GRID2: variants seen among roughly 807,000 people sequenced by gnomAD.
GRID2 encodes the protein glutamate ionotropic receptor delta type subunit 2, also known as glutamate receptor ionotropic, delta-2.
A neutral mutation model predicts 114.8 loss-of-function variants in GRID2; 33 were observed. The observed-to-expected ratio is 0.29, with a 90% confidence interval of 0.22 to 0.38. The LOEUF (loss-of-function observed/expected upper bound fraction) is 0.38, where lower values mean the gene tolerates loss of function less well. GRID2 is among the 10% of genes least tolerant of loss of function. GRID2 has a pLI of 1.00. For missense variants in GRID2, 1,184 were observed against 1,257.7 expected (o/e 0.94, Z 0.89); for synonymous variants, 505 against 449.9 (o/e 1.12, Z -1.55).
At chr4:92,712,915 G>C (rs1735324858) in intron 2 of GRID2, among the ~76,000 whole-genome samples, 1 of 152,004 alleles carries the variant, frequency 6.6e-6, no homozygotes, top group Admixed American at 6.5e-5. Context: ...CTCAGGGATA[G>C]AGGAATGTTG....
intron 2 of GRID2, among the ~76,000 whole-genome samples, chr4:93,060,251 G>A (rs1275880788): frequency 6.6e-6 from 1 of 152,096 alleles, no homozygotes; most frequent in Non-Finnish European, 1.5e-5. Context: ...AATGTAGATT[G>A]TCATAGCTAT....
intron 2 of GRID2, among the ~76,000 whole-genome samples, chr4:92,794,874 TTATATATATATATATATATA>T (rs34559735): frequency 9.4e-6 from 1 of 106,052 alleles, no homozygotes; most frequent in African/African-American, 4.2e-5. Context: ...AATAATTGTT[TTATATATATATATATATATA>T]TATATATATA....
At position 93,267,178 on chromosome 4, in the gene GRID2, T is replaced by A. The variant is rs1437174393; in HGVS notation, c.1245+28688T>A. On this transcript the variant is annotated intron_variant, in intron 8 of 15. Coordinates refer to ENST00000282020, the MANE Select transcript of GRID2 (RefSeq NM_001510.4). Reference sequence around the variant, plus strand: ...AGTACACACATTTCTTTTTTTTTTTTAATTTTATTATTTTTTTTATTATTA... The same window carrying A: ...AGTACACACATTTCTTTTTTTTTTTAAATTTTATTATTTTTTTTATTATTA... 8.3e-5 allele frequency among the ~76,000 whole-genome samples: 7 copies of A among 84,334 alleles called. No individual in the cohort carries two copies. The South Asian group carries it at 1.1e-3, about 13-fold the overall frequency. The allele number at this position is 84,334 out of a possible 152,430, so 55.3% of individuals were successfully genotyped here.
intron 1 of GRID2, among the ~76,000 whole-genome samples, chr4:92,503,145 T>C (rs1469852786): frequency 1.3e-5 from 2 of 152,294 alleles, no homozygotes; most frequent in South Asian, 4.1e-4. Context: ...GTACTAATTA[T>C]GTACATGCTA....
chr4:92,895,167 A>G (rs1285014342), intron 2 of GRID2, among the ~76,000 whole-genome samples: 5 of 151,836 alleles, frequency 3.3e-5, no homozygotes, highest in Non-Finnish European at 2.9e-5. Context: ...AGCTGGGACT[A>G]TCTTAACATT....
intron 2 of GRID2, among the ~76,000 whole-genome samples, chr4:92,672,691 CATTT>C (rs1579813057): frequency 6.6e-6 from 1 of 151,942 alleles, no homozygotes; most frequent in South Asian, 2.1e-4. Context: ...ATTTTTTCTT[CATTT>C]ATTTATTCAT....
At chr4:93,429,136 A>G (rs1358084828) in intron 10 of GRID2, among the ~76,000 whole-genome samples, 1 of 152,306 alleles carries the variant, frequency 6.6e-6, no homozygotes, top group East Asian at 1.9e-4. Context: ...ATAACCATTT[A>G]AAGCAGACGG....
At chr4:93,630,469 G>A (rs1743143781) in intron 14 of GRID2, among the ~76,000 whole-genome samples, 1 of 152,148 alleles carries the variant, frequency 6.6e-6, no homozygotes, top group African/African-American at 2.4e-5. Flanking sequence ...TAACCAAAAA[G>A]TATGAGCTCA....
chr4:92,569,381 G>A (rs1352172119), intron 1 of GRID2, among the ~76,000 whole-genome samples: 2 of 151,894 alleles, frequency 1.3e-5, no homozygotes, highest in East Asian at 3.9e-4. Flanking sequence ...ATTGATGAAT[G>A]TTTAGGTTGA....
chr4:93,799,741 G>A (rs1388513094), intron 1 of GRID2, among the ~76,000 whole-genome samples: 5 of 152,016 alleles, frequency 3.3e-5, no homozygotes, highest in Non-Finnish European at 7.4e-5. Flanking sequence ...GTTTCTTTAT[G>A]TAATTAAAAG....
intron 2 of GRID2, among the ~76,000 whole-genome samples, chr4:92,695,501 T>C (rs1734386351): frequency 6.6e-6 from 1 of 152,118 alleles, no homozygotes; most frequent in South Asian, 2.1e-4. Flanking sequence ...CTTGCAAATT[T>C]ACCAGAACAA....
intron 11 of GRID2, among the ~76,000 whole-genome samples, chr4:93,464,132 A>G (rs1157368472): frequency 6.6e-6 from 1 of 152,216 alleles, no homozygotes; most frequent in Non-Finnish European, 1.5e-5. Context: ...CATCCTCAAC[A>G]TAAACTTATC....
chr4:93,303,042 G>C (rs548969832), intron 8 of GRID2, among the ~76,000 whole-genome samples: 31 of 152,318 alleles, frequency 2.0e-4, no homozygotes, highest in Admixed American at 1.4e-3. Context: ...ATCATGGAGG[G>C]AGGCAAAGGA....
At chr4:93,004,882 A>AT (rs1185760828) in intron 2 of GRID2, among the ~76,000 whole-genome samples, 1 of 151,908 alleles carries the variant, frequency 6.6e-6, no homozygotes. Flanking sequence ...TCATGAAAGT[A>AT]TTTTTTTCAC....
rs1208807154 is a variant in GRID2 at position 92,631,478 on chromosome 4, T to C, written c.244+41192T>C. 2.0e-5 allele frequency among the ~76,000 whole-genome samples: 3 copies of C among 152,294 alleles called. No homozygotes were observed. In the South Asian group the frequency reaches 6.2e-4, roughly 32 times the overall value. The stretch of plus-strand genomic sequence containing the variant: ...ATTTAAAACATTTATGTACAAATGA[T>C]ACTTCTCTTACAATCACAGGATTTC... On this transcript the variant is annotated intron_variant, in intron 2 of 15. Transcript: ENST00000282020.
intron 11 of GRID2, among the ~76,000 whole-genome samples, chr4:93,475,859 C>T (rs181001763): frequency 5.3e-5 from 8 of 152,212 alleles, no homozygotes; most frequent in Non-Finnish European, 5.9e-5. Context: ...GCTTAGGCCT[C>T]ACTATAATTA....
chr4:92,855,646 G>T (rs1195597239), intron 2 of GRID2, among the ~76,000 whole-genome samples: 1 of 151,764 alleles, frequency 6.6e-6, no homozygotes, highest in Non-Finnish European at 1.5e-5. Context: ...TAGGTCAAAG[G>T]AAAGTGATAA....
chr4:93,091,177 G>C (rs1310431420), intron 3 of GRID2, among the ~76,000 whole-genome samples: 1 of 151,966 alleles, frequency 6.6e-6, no homozygotes, highest in Non-Finnish European at 1.5e-5. Flanking sequence ...GCCCTTTAAG[G>C]ATTGTTTACC....
At chr4:93,488,891 T>C (rs940900615) in intron 11 of GRID2, among the ~76,000 whole-genome samples, 1 of 151,956 alleles carries the variant, frequency 6.6e-6, no homozygotes, top group South Asian at 2.1e-4. Context: ...TTAGAATCCA[T>C]GCTTACAATC....
Sources: allele counts gnomAD v4.1 joint callset (sites outside exome capture counted in the v4.1 genomes callset), GRCh38; gene constraint gnomAD v4.1.1; transcripts MANE v1.5; gene names NCBI Gene and HGNC (gene_info 2026-07-23, HGNC 2026-07-21).